Variants in VAV3 observed in about 807,000 individuals in gnomAD.
VAV3 encodes the protein guanine nucleotide exchange factor VAV3.
VAV3 carries 94 observed loss-of-function variants against 131.2 expected under a neutral mutation model. That is an observed-to-expected ratio of 0.72 (90% CI 0.61 to 0.85). The LOEUF is 0.85. Among genes scored for constraint, VAV3 ranks in the 40% least tolerant of loss-of-function variants. The probability of loss-of-function intolerance (pLI) is 0.00; values close to 1 mark genes in which losing one functional copy is unlikely to be tolerated. For synonymous variants in VAV3, 349 were observed against 342.0 expected, an observed-to-expected ratio of 1.02 and a Z score of -0.22; for missense variants, 939 against 1,002.7, an observed-to-expected ratio of 0.94 and a Z score of 0.86.
intron 1 of VAV3, among the ~76,000 whole-genome samples, chr1:107,878,944 C>T (rs770611936): frequency 2.6e-4 from 40 of 152,122 alleles, no homozygotes; most frequent in African/African-American, 9.2e-4. Context: ...CTTACTTACA[C>T]GCTAGTATTC....
chr1:107,655,510 A>G (rs1312877729), intron 19 of VAV3, among the ~76,000 whole-genome samples: 1 of 152,156 alleles, frequency 6.6e-6, no homozygotes, highest in Non-Finnish European at 1.5e-5. Flanking sequence ...GCCTCAAACT[A>G]TGAAACTACT....
chr1:107,827,161 G>A (rs1317053714), intron 2 of VAV3, among the ~76,000 whole-genome samples: 3 of 152,068 alleles, frequency 2.0e-5, no homozygotes, highest in Non-Finnish European at 4.4e-5. Flanking sequence ...ATTCAGTCAA[G>A]GGTCCTCTGA....
intron 2 of VAV3, among the ~76,000 whole-genome samples, chr1:107,872,382 C>T (rs1670294735): frequency 1.3e-5 from 2 of 152,142 alleles, no homozygotes; most frequent in Admixed American, 1.3e-4. Flanking sequence ...ATTCCAGATT[C>T]ACCAATGTAG....
At chr1:107,688,631 T>C in intron 17 of VAV3, 2 of 1,183,178 alleles carry the variant, frequency 1.7e-6, no homozygotes, top group Non-Finnish European at 2.3e-6. Flanking sequence ...TTAAATGACT[T>C]CTAGGTTATG....
At chr1:107,691,971 C>A (rs995277620) in intron 17 of VAV3, among the ~76,000 whole-genome samples, 1 of 152,116 alleles carries the variant, frequency 6.6e-6, no homozygotes, top group Admixed American at 6.6e-5. Flanking sequence ...TTTTTCAATA[C>A]AAGTGGCTCT....
In VAV3 at chr1:107,772,799, TA is replaced by T; in HGVS notation, c.490del (p.Tyr164MetfsTer13). 1 of 1,613,884 alleles carries T rather than the reference TA, an allele frequency of 6.2e-7. No homozygotes were observed. The highest frequency in any genetic ancestry group is 8.5e-7 in the Non-Finnish European group (1 of 1,179,894). ...GACTTCTCCACCTTCATCTTCCCCATAAACACAGTCATAGAGATCTTCTTCA... is the reference window on the plus strand; with the variant it reads ...GACTTCTCCACCTTCATCTTCCCCATAACACAGTCATAGAGATCTTCTTCA... ...EDEEDLYDCV[Y>X]GEDEGGEVYE... On this transcript the variant is annotated frameshift_variant, in exon 5 of 27. Transcript: ENST00000370056. LOFTEE classifies it high-confidence loss of function.
At chr1:107,822,539 C>T (rs1169573302) in intron 2 of VAV3, among the ~76,000 whole-genome samples, 2 of 151,810 alleles carry the variant, frequency 1.3e-5, no homozygotes, top group African/African-American at 4.8e-5. Flanking sequence ...CCTGTAGTCC[C>T]AGCTACTTGG....
intron 4 of VAV3, among the ~76,000 whole-genome samples, chr1:107,774,583 A>G (rs1320895223): frequency 6.6e-6 from 1 of 152,224 alleles, no homozygotes; most frequent in Non-Finnish European, 1.5e-5. Flanking sequence ...TATTTTTCAA[A>G]TGGTCAATAA....
intron 19 of VAV3, among the ~76,000 whole-genome samples, chr1:107,653,780 AT>A (rs56970538): frequency 0.059 from 8,972 of 152,038 alleles, 652 homozygotes; most frequent in African/African-American, 0.18. Context: ...AATAGATAAA[AT>A]TTTTCCTTTA....
intron 15 of VAV3, among the ~76,000 whole-genome samples, chr1:107,732,445 T>C (rs895262373): frequency 6.6e-6 from 1 of 152,138 alleles, no homozygotes; most frequent in South Asian, 2.1e-4. Flanking sequence ...GTTGGGGGAT[T>C]TCCCTTTCCT....
At chr1:107,914,028 C>T (rs1433877466) in intron 1 of VAV3, among the ~76,000 whole-genome samples, 1 of 152,206 alleles carries the variant, frequency 6.6e-6, no homozygotes, top group African/African-American at 2.4e-5. Flanking sequence ...CTCCTGACCT[C>T]AGGTGATCTG....
chr1:107,886,954 ATG>A (rs35711413), intron 1 of VAV3, among the ~76,000 whole-genome samples: 3,126 of 152,374 alleles, frequency 0.021, 50 homozygotes, highest in Middle Eastern at 0.054. Flanking sequence ...ACATTAACAA[ATG>A]TTCTACCAAT....
intron 2 of VAV3, among the ~76,000 whole-genome samples, chr1:107,794,256 G>T (rs1452506381): frequency 6.6e-6 from 1 of 152,182 alleles, no homozygotes; most frequent in Non-Finnish European, 1.5e-5. Context: ...TTTCCACTGA[G>T]GAATTTGACA....
At chr1:107,670,330 T>C (rs1657694659) in intron 19 of VAV3, among the ~76,000 whole-genome samples, 1 of 152,196 alleles carries the variant, frequency 6.6e-6, no homozygotes. Flanking sequence ...GATCCAGATC[T>C]CTCTGATCCA....
intron 2 of VAV3, among the ~76,000 whole-genome samples, chr1:107,816,403 T>C (rs990209618): frequency 1.3e-5 from 2 of 152,162 alleles, no homozygotes; most frequent in African/African-American, 4.8e-5. Flanking sequence ...GTGCCAAGCA[T>C]ATAGTGGTGA....
intron 10 of VAV3, among the ~76,000 whole-genome samples, chr1:107,760,022 G>A (rs1021854522): frequency 6.6e-6 from 1 of 152,012 alleles, no homozygotes; most frequent in African/African-American, 2.4e-5. Flanking sequence ...TTTCTCAGTA[G>A]AACAAAAATA....
intron 15 of VAV3, among the ~76,000 whole-genome samples, chr1:107,748,492 T>C (rs2102053857): frequency 6.6e-6 from 1 of 152,284 alleles, no homozygotes; most frequent in South Asian, 2.1e-4. Context: ...ACACGAAGCA[T>C]TTTAGCCAAG....
At chr1:107,956,894 G>A (rs1221316910) in intron 1 of VAV3, among the ~76,000 whole-genome samples, 2 of 152,162 alleles carry the variant, frequency 1.3e-5, no homozygotes, top group East Asian at 3.9e-4. Context: ...CAAATCGAGG[G>A]ACGTCAAGGA....
At chr1:107,757,833 C>CT (rs1250225710) in intron 10 of VAV3, among the ~76,000 whole-genome samples, 8 of 152,036 alleles carry the variant, frequency 5.3e-5, no homozygotes. Flanking sequence ...GTTATTGTTC[C>CT]TTAAGTTTTC....
Sources: gnomAD v4.1 joint callset for allele counts (sites outside exome capture counted in the v4.1 genomes callset) on GRCh38, gnomAD v4.1.1 for gene constraint, MANE v1.5 for transcripts, NCBI Gene and HGNC (gene_info 2026-07-23, HGNC 2026-07-21) for gene names.